Variants in CHORDC1 observed in about 807,000 individuals in gnomAD.
CHORDC1 encodes the protein cysteine and histidine rich domain containing 1, also known as cysteine and histidine-rich domain-containing protein 1.
CHORDC1 carries 25 observed loss-of-function variants against 48.3 expected under a neutral mutation model. The observed-to-expected ratio is 0.52, with a 90% CI of 0.38 to 0.72. The LOEUF is 0.72. CHORDC1 is among the 30% of genes least tolerant of loss of function. The pLI, the probability that CHORDC1 is intolerant of heterozygous loss-of-function variation, is 0.00. For synonymous variants in CHORDC1, 128 were observed against 126.4 expected (o/e 1.01, Z -0.09); for missense variants, 317 against 388.7 (o/e 0.82, Z 1.55).
At chr11:90,220,394 A>C (rs965260243) in intron 1 of CHORDC1, among the ~76,000 whole-genome samples, 12 of 152,240 alleles carry the variant, frequency 7.9e-5, no homozygotes, top group Non-Finnish European at 1.3e-4. Context: ...TGTGGAATTA[A>C]GGGCTGAAAA....
intron 1 of CHORDC1, among the ~76,000 whole-genome samples, chr11:90,221,434 G>A (rs1858169595): frequency 6.6e-6 from 1 of 152,116 alleles, no homozygotes; most frequent in Non-Finnish European, 1.5e-5. Context: ...GTTTTGAGAC[G>A]GTTTTCCTGG....
intron 1 of CHORDC1, among the ~76,000 whole-genome samples, chr11:90,219,250 C>T (rs565222454): frequency 1.6e-4 from 24 of 151,178 alleles, no homozygotes; most frequent in Non-Finnish European, 2.8e-4. Flanking sequence ...GGTGACAGAG[C>T]AAGACTCCAT....
Position 90,223,045 on chromosome 11 carries a change from C to T in CHORDC1, c.-91G>A, listed in dbSNP as rs748675673. On this transcript the variant is annotated 5_prime_UTR_variant, in exon 1 of 11. Coordinates refer to ENST00000320585, the MANE Select transcript of CHORDC1 (RefSeq NM_012124.3). ...TCCCGTGTCGCTAGCACCGGTCTGA[C>T]GACTGAGGCGGCTACCGGCTTCCGG... 8.9e-7 allele frequency: 1 copy of T among 1,121,268 alleles called. No homozygotes were observed. The highest frequency in any genetic ancestry group is 1.4e-5 in the South Asian group (1 of 73,462). The allele number at this position is 1,121,268 out of a possible 1,614,324, so 69.5% of individuals were successfully genotyped here.
chr11:90,213,590 G>A (rs1857927597), intron 4 of CHORDC1: 1 of 474,682 alleles, frequency 2.1e-6, no homozygotes, highest in East Asian at 3.2e-5. Context: ...TTGACCAGTA[G>A]TAATGAGATT....
chr11:90,210,061 T>C (rs1158598842), intron 6 of CHORDC1, among the ~76,000 whole-genome samples: 1 of 152,208 alleles, frequency 6.6e-6, no homozygotes, highest in Non-Finnish European at 1.5e-5. Flanking sequence ...CAGAACACTC[T>C]TCACCCAGGT....
intron 8 of CHORDC1, among the ~76,000 whole-genome samples, chr11:90,204,982 A>T (rs1205022162): frequency 1.3e-5 from 2 of 151,986 alleles, no homozygotes; most frequent in Non-Finnish European, 2.9e-5. Flanking sequence ...TAGCAAGCAG[A>T]GGCATTCAAA....
Position 90,201,127 on chromosome 11 carries a change from G to A in CHORDC1, c.*1278C>T, listed in dbSNP as rs1191087467. On this transcript the variant is annotated 3_prime_UTR_variant, in exon 11 of 11. Coordinates refer to ENST00000320585, the MANE Select transcript of CHORDC1 (RefSeq NM_012124.3). ...AGAATGATACATATGTTTTATTCAC[G>A]AAAATAGTACTTCTGCAAATTTTTC... 1 of 151,860 alleles carries A rather than the reference G, an allele frequency of 6.6e-6. No individual in the cohort carries two copies. The highest frequency in any genetic ancestry group is 2.4e-5 in the African/African-American group (1 of 41,388). The allele number at this position is 151,860 out of a possible 1,614,324, so 9.4% of individuals were successfully genotyped here. A position where few individuals can be genotyped will look rare whatever the true frequency, so the allele number is the denominator to read the frequency against.
intron 1 of CHORDC1, 30 bp from the exon 2 acceptor site, chr11:90,218,214 AC>A: frequency 6.6e-7 from 1 of 1,504,622 alleles, no homozygotes; most frequent in Non-Finnish European, 9.0e-7. Flanking sequence ...AAAAAAAAGT[AC>A]CACTCTTTAT....
chr11:90,215,543 T>C (rs16917528), intron 2 of CHORDC1, among the ~76,000 whole-genome samples: 19,149 of 151,988 alleles, frequency 0.13, 1,283 homozygotes, highest in South Asian at 0.18. Context: ...AAACATGTTA[T>C]AATTCCTAAA....
At chr11:90,211,467 T>C (rs1443393624) in intron 4 of CHORDC1, 149 bp from the exon 5 acceptor site, 3 of 589,354 alleles carry the variant, frequency 5.1e-6, no homozygotes, top group Admixed American at 3.3e-5. Flanking sequence ...ATTTTATAAA[T>C]AATTGTTACA....
chr11:90,220,053 T>G (rs1185874039), intron 1 of CHORDC1, among the ~76,000 whole-genome samples: 1 of 152,234 alleles, frequency 6.6e-6, no homozygotes, highest in African/African-American at 2.4e-5. Flanking sequence ...TTGTTTTCTT[T>G]TAAGCTCATC....
chr11:90,213,946 C>T lies in CHORDC1; in HGVS notation c.329+72G>A, dbSNP rs1857936021. ...AGCTACAAATGGTATCATGCTAAAT[C>T]ATAAAGGAAAGTACCATGCACAAGT... On this transcript the variant is annotated intron_variant, in intron 4 of 10. Coordinates refer to ENST00000320585, the MANE Select transcript of CHORDC1 (RefSeq NM_012124.3). The T allele has an allele frequency of 4.7e-6, 6 of 1,287,178 alleles. No individual in the cohort carries two copies. In the South Asian group the frequency reaches 9.1e-5, roughly 20 times the overall value. 79.7% of individuals were successfully genotyped at this position (1,287,178 alleles called of 1,614,324 possible). A position where few individuals can be genotyped will look rare whatever the true frequency, so the allele number is the denominator to read the frequency against.
intron 10 of CHORDC1, 128 bp from the exon 11 acceptor site, chr11:90,202,679 T>A (rs181485061): frequency 7.9e-6 from 11 of 1,391,358 alleles, no homozygotes; most frequent in Admixed American, 2.6e-5. Context: ...TATCTAGTCT[T>A]AAACTTTTTG....
chr11:90,222,853 G>C, intron 1 of CHORDC1, 38 bp downstream of exon 1: 1 of 1,580,344 alleles, frequency 6.3e-7, no homozygotes, highest in Non-Finnish European at 8.7e-7. Context: ...TGCTGATGAG[G>C]TGGAGGGGAG....
intron 8 of CHORDC1, among the ~76,000 whole-genome samples, chr11:90,203,935 G>A (rs944280905): frequency 2.0e-5 from 3 of 151,958 alleles, no homozygotes; most frequent in African/African-American, 7.2e-5. Flanking sequence ...AAGAACAAAT[G>A]ATTTTTGGAT....
intron 5 of CHORDC1, chr11:90,210,968 A>C (rs1018765716): frequency 3.9e-5 from 12 of 309,258 alleles, no homozygotes; most frequent in African/African-American, 2.6e-4. Context: ...ATTCTTAAAA[A>C]AATAATGAAC....
chr11:90,206,460 T>TC, intron 6 of CHORDC1, 188 bp from the exon 7 acceptor site: 1 of 510,280 alleles, frequency 2.0e-6, no homozygotes, highest in South Asian at 2.3e-5. Context: ...TGGACTTGGT[T>TC]AAGTTTTAGG....
At position 90,206,329 on chromosome 11, in the gene CHORDC1, T is replaced by G. The variant is rs1857685841; in HGVS notation, c.493-57A>C. 5 of 952,940 alleles carry G rather than the reference T, an allele frequency of 5.2e-6. No individual in the cohort carries two copies. In the Admixed American group the frequency reaches 9.6e-5, roughly 18 times the overall value. The allele number at this position is 952,940 out of a possible 1,614,324, so 59.0% of individuals were successfully genotyped here. A position where few individuals can be genotyped will look rare whatever the true frequency, so the allele number is the denominator to read the frequency against. Reference sequence around the variant, plus strand: ...CTGCGTATCTTACAGTTACATCTCATACATATTTGCAGTATTGGTGACCTC... The same window carrying G: ...CTGCGTATCTTACAGTTACATCTCAGACATATTTGCAGTATTGGTGACCTC... On this transcript the variant is annotated intron_variant, in intron 6 of 10. Transcript: ENST00000320585.
Position 90,218,124 on chromosome 11 carries a change from A to G in CHORDC1, c.114+11T>C. ...ACACAGATATGAAAAAAATGAAAAT[A>G]TAGTTCCTACCTTTAATGCATCGTG... On this transcript the variant is annotated intron_variant, in intron 2 of 10. Transcript: ENST00000320585. The G allele has an allele frequency of 1.3e-6, 2 of 1,555,410 alleles. No homozygotes were observed. The highest frequency in any genetic ancestry group is 1.2e-5 in the South Asian group (1 of 82,578).
Sources: gnomAD v4.1 joint callset for allele counts (sites outside exome capture counted in the v4.1 genomes callset) on GRCh38, gnomAD v4.1.1 for gene constraint, MANE v1.5 for transcripts, NCBI Gene and HGNC (gene_info 2026-07-23, HGNC 2026-07-21) for gene names.